The following DIAPH3 variants were observed in gnomAD, a reference collection of about 807,000 sequenced individuals.
The protein encoded by DIAPH3 is diaphanous related formin 3.
DIAPH3 carries 117 observed loss-of-function variants against 144.3 expected under a neutral mutation model. That is an observed-to-expected ratio of 0.81 (90% CI 0.70 to 0.95). The LOEUF is 0.95. Among genes scored for constraint, DIAPH3 ranks in the 40% least tolerant of loss-of-function variants. The probability of loss-of-function intolerance (pLI) is 0.00; values close to 1 mark genes in which losing one functional copy is unlikely to be tolerated. For synonymous variants in DIAPH3, 519 were observed against 488.9 expected, an observed-to-expected ratio of 1.06 and a Z score of -0.81; for missense variants, 1,421 against 1,412.7, an observed-to-expected ratio of 1.01 and a Z score of -0.09.
chr13:60,163,810 G>C lies in DIAPH3; in HGVS notation c.-44C>G. ...GGACCGGAAAGAAGGTGGCCACTCAGCAAGCCGCAAGCTGGAAGCTGAGGG... is the reference window on the plus strand; with the variant it reads ...GGACCGGAAAGAAGGTGGCCACTCACCAAGCCGCAAGCTGGAAGCTGAGGG... On this transcript the variant is annotated 5_prime_UTR_variant, in exon 1 of 28. Coordinates refer to ENST00000400324, the MANE Select transcript of DIAPH3 (RefSeq NM_001042517.2). The C allele has an allele frequency of 6.5e-7, 1 of 1,538,252 alleles. No individual in the cohort carries two copies. Among genetic ancestry groups the C allele is most frequent in the East Asian group, 2.4e-5 (1 of 40,892 alleles).
chr13:59,818,645 G>C (rs1469624654), intron 24 of DIAPH3, among the ~76,000 whole-genome samples: 1 of 151,714 alleles, frequency 6.6e-6, no homozygotes, highest in African/African-American at 2.4e-5. Context: ...TTCTTTTTGA[G>C]TCTATTCTTC....
intron 19 of DIAPH3, among the ~76,000 whole-genome samples, chr13:59,912,337 T>G (rs2047035298): frequency 6.6e-6 from 1 of 152,184 alleles, no homozygotes; most frequent in South Asian, 2.1e-4. Flanking sequence ...CCAATAGGAT[T>G]ACAGTTTTAA....
chr13:59,769,558 C>CA (rs1356581200), intron 27 of DIAPH3, among the ~76,000 whole-genome samples: 2 of 149,734 alleles, frequency 1.3e-5, no homozygotes, highest in African/African-American at 2.5e-5. Context: ...TCCTTTTTGA[C>CA]TTTTTTTTTT....
intron 17 of DIAPH3, among the ~76,000 whole-genome samples, chr13:59,951,939 G>A (rs898700005): frequency 2.2e-4 from 34 of 152,114 alleles, no homozygotes; most frequent in African/African-American, 5.3e-4. Flanking sequence ...TTGAAAACAG[G>A]TATTCAAATA....
intron 20 of DIAPH3, among the ~76,000 whole-genome samples, chr13:59,900,705 T>C (rs2046381167): frequency 6.6e-6 from 1 of 152,210 alleles, no homozygotes; most frequent in South Asian, 2.1e-4. Context: ...CATCCACTCC[T>C]ATAGCTTTGT....
At chr13:59,761,614 G>T (rs187287533) in intron 27 of DIAPH3, among the ~76,000 whole-genome samples, 1 of 152,052 alleles carries the variant, frequency 6.6e-6, no homozygotes, top group African/African-American at 2.4e-5. Context: ...ATATGCAAAA[G>T]CACATTTATT....
chr13:59,845,965 T>TA (rs2042608000), intron 22 of DIAPH3, among the ~76,000 whole-genome samples: 1 of 152,120 alleles, frequency 6.6e-6, no homozygotes, highest in South Asian at 2.1e-4. Flanking sequence ...CCTCGCCAGA[T>TA]AAGAGCGTTA....
chr13:59,825,988 T>A (rs1420558952), intron 24 of DIAPH3, among the ~76,000 whole-genome samples: 1 of 152,122 alleles, frequency 6.6e-6, no homozygotes, highest in Non-Finnish European at 1.5e-5. Context: ...ACAACCTTCA[T>A]GCTAAAAACT....
intron 20 of DIAPH3, among the ~76,000 whole-genome samples, chr13:59,893,705 T>G (rs1339005203): frequency 6.6e-6 from 1 of 152,096 alleles, no homozygotes; most frequent in Non-Finnish European, 1.5e-5. Context: ...GCAGATTAGT[T>G]TATTCAAAAA....
chr13:59,723,345 A>G (rs1168809799), intron 27 of DIAPH3, among the ~76,000 whole-genome samples: 8 of 152,192 alleles, frequency 5.3e-5, no homozygotes, highest in Admixed American at 5.2e-4. Flanking sequence ...ATTCATTTCT[A>G]GAGGCAATGG....
At chr13:59,758,071 G>A (rs1342037275) in intron 27 of DIAPH3, among the ~76,000 whole-genome samples, 5 of 152,146 alleles carry the variant, frequency 3.3e-5, no homozygotes, top group Non-Finnish European at 7.4e-5. Flanking sequence ...AAACTACACT[G>A]AGATACCCTA....
At chr13:59,931,471 T>A (rs2048013434) in intron 17 of DIAPH3, among the ~76,000 whole-genome samples, 1 of 152,188 alleles carries the variant, frequency 6.6e-6, no homozygotes. Context: ...TTGTTCTGAC[T>A]TTTTTCTCCT....
intron 21 of DIAPH3, 125 bp downstream of exon 21, chr13:59,879,104 T>C (rs2044825798): frequency 2.9e-6 from 4 of 1,363,194 alleles, no homozygotes; most frequent in South Asian, 2.7e-5. Context: ...TTTGAGTTCA[T>C]GGTTCAGTTC....
In DIAPH3 at chr13:59,970,940, G is replaced by A. The variant is rs375644162; in HGVS notation, c.1871C>T (p.Ser624Phe). The A allele has an allele frequency of 1.4e-5, 22 of 1,613,644 alleles. No individual in the cohort carries two copies. The highest frequency in any genetic ancestry group is 1.8e-5 in the Non-Finnish European group (21 of 1,179,916). The change falls in exon 16 of 28, where the codon TCT becomes TTT. Residue 624 changes from serine to phenylalanine, a missense_variant. Coordinates refer to ENST00000400324, the MANE Select transcript of DIAPH3 (RefSeq NM_001042517.2). ...PPLGFLGGQNSPPLPILPFGL... is the reference protein window; with the variant it reads ...PPLGFLGGQNFPPLPILPFGL... ...AAATGGCAGGATTGGTAGAGGAGGAGAATTTTGTCCTCCAAGGAATCCCAG... is the reference window on the plus strand; with the variant it reads ...AAATGGCAGGATTGGTAGAGGAGGAAAATTTTGTCCTCCAAGGAATCCCAG...
intron 1 of DIAPH3, among the ~76,000 whole-genome samples, chr13:60,147,909 C>T (rs1951605783): frequency 2.0e-5 from 3 of 149,814 alleles, no homozygotes; most frequent in Non-Finnish European, 3.0e-5. Context: ...CAGAGTAGAC[C>T]CAAGAACGAG....
intron 27 of DIAPH3, among the ~76,000 whole-genome samples, chr13:59,701,555 T>A (rs1322651710): frequency 6.6e-6 from 1 of 152,236 alleles, no homozygotes; most frequent in Non-Finnish European, 1.5e-5. Context: ...TGAAGCTCAA[T>A]AAATATTTGT....
chr13:59,783,574 A>G (rs1385961372), intron 25 of DIAPH3, among the ~76,000 whole-genome samples: 1 of 152,238 alleles, frequency 6.6e-6, no homozygotes, highest in African/African-American at 2.4e-5. Flanking sequence ...GTACAAGCAT[A>G]GTAAAGTGGT....
chr13:60,116,601 A>AC (rs1555378391), intron 2 of DIAPH3, among the ~76,000 whole-genome samples: 1 of 152,006 alleles, frequency 6.6e-6, no homozygotes, highest in Non-Finnish European at 1.5e-5. Flanking sequence ...CAAAAAAAAA[A>AC]CCCAGTGTAA....
chr13:59,996,934 T>G (rs1236434014), intron 9 of DIAPH3, among the ~76,000 whole-genome samples: 1 of 152,094 alleles, frequency 6.6e-6, no homozygotes, highest in East Asian at 1.9e-4. Flanking sequence ...CTAAATTTCC[T>G]TTGGTACATA....
Sources: allele counts gnomAD v4.1 joint callset (sites outside exome capture counted in the v4.1 genomes callset), GRCh38; gene constraint gnomAD v4.1.1; transcripts MANE v1.5; gene names NCBI Gene and HGNC (gene_info 2026-07-23, HGNC 2026-07-21).